Variants in ACYP2 observed in about 807,000 individuals in gnomAD.
The protein encoded by ACYP2 is acylphosphatase-2.
Under a neutral mutation model 11.2 loss-of-function variants are expected in ACYP2, and 12 were observed. That is an observed-to-expected ratio of 1.08 (90% CI 0.69 to 1.74). The LOEUF is 1.74. ACYP2 is among the 40% of genes most tolerant of loss of function. The pLI is 0.00. For synonymous variants in ACYP2, 43 were observed against 32.2 expected (o/e 1.33, Z -1.13); for missense variants, 134 against 101.9 (o/e 1.31, Z -1.35).
chr2:54,093,567 C>T lies in ACYP2; in HGVS notation c.277+36207C>T, dbSNP rs192924258. On this transcript the variant is annotated intron_variant, in intron 4 of 6. Coordinates refer to ENST00000607452, the MANE Select transcript of ACYP2 (RefSeq NM_001320586.2). ...GTGGCCTAGAATTCAGGTGCTGTTT[C>T]TGTGTCTGGGTACAGGTCACTTCCT... Among the ~76,000 whole-genome samples, 433 of 152,350 alleles carry T rather than the reference C, an allele frequency of 2.8e-3. 3 individuals are homozygous for T. The highest frequency in any genetic ancestry group is 9.7e-3 in the African/African-American group (405 of 41,586).
chr2:54,050,195 T>TA (rs1193085866), intron 2 of ACYP2, among the ~76,000 whole-genome samples: 15 of 152,092 alleles, frequency 9.9e-5, no homozygotes, highest in African/African-American at 3.4e-4. Context: ...ATGAACAGTC[T>TA]AAAAAATGAC....
At chr2:54,190,026 G>GT (rs1415705901) in intron 6 of ACYP2, among the ~76,000 whole-genome samples, 3 of 152,012 alleles carry the variant, frequency 2.0e-5, no homozygotes, top group African/African-American at 7.2e-5. Flanking sequence ...GTCCATTTAG[G>GT]TCCCTTTGCC....
chr2:54,064,976 C>G (rs981067388), intron 4 of ACYP2, among the ~76,000 whole-genome samples: 1 of 151,950 alleles, frequency 6.6e-6, no homozygotes, highest in Non-Finnish European at 1.5e-5. Flanking sequence ...CCCAGGTACT[C>G]GGGAGGCTGA....
chr2:54,174,667 C>A (rs1257797155), intron 6 of ACYP2, among the ~76,000 whole-genome samples: 1 of 152,072 alleles, frequency 6.6e-6, no homozygotes, highest in East Asian at 1.9e-4. Context: ...GGGTTTGTTA[C>A]AAATAGCTCT....
intron 6 of ACYP2, among the ~76,000 whole-genome samples, chr2:54,298,090 G>T (rs114509171): frequency 6.6e-6 from 1 of 152,074 alleles, no homozygotes; most frequent in Non-Finnish European, 1.5e-5. Context: ...TTTGGTACTG[G>T]TTTTATATTC....
chr2:54,225,982 G>A (rs1021653765), intron 6 of ACYP2, among the ~76,000 whole-genome samples: 3 of 151,952 alleles, frequency 2.0e-5, no homozygotes, highest in African/African-American at 7.3e-5. Context: ...AATTATCTAC[G>A]GTATTTAATG....
intron 4 of ACYP2, among the ~76,000 whole-genome samples, chr2:54,131,522 C>T (rs1201785160): frequency 1.3e-5 from 2 of 152,140 alleles, no homozygotes. Flanking sequence ...CTAGGCTGTG[C>T]CAATGTCAGG....
intron 6 of ACYP2, among the ~76,000 whole-genome samples, chr2:54,266,954 G>A (rs916462095): frequency 3.9e-5 from 6 of 152,004 alleles, no homozygotes; most frequent in African/African-American, 7.2e-5. Context: ...AGGAAATGGC[G>A]AGGCGAAGAA....
rs375383770 is a variant in ACYP2 at position 54,255,636 on chromosome 2, G to A, written c.405-49052G>A. On this transcript the variant is annotated intron_variant, in intron 6 of 6. Transcript: ENST00000607452. ...CTATTGCTCTGTTTTCTTCCGCCAC[G>A]TCCATTTCTTCGCCTCCTGGCTTCT... The A allele has an allele frequency of 7.3e-5, 117 of 1,613,406 alleles. 1 individual carries two copies. The highest frequency in any genetic ancestry group is 2.1e-4 in the South Asian group (19 of 91,078).
At chr2:54,234,515 C>A (rs891900480) in intron 6 of ACYP2, among the ~76,000 whole-genome samples, 4 of 152,222 alleles carry the variant, frequency 2.6e-5, no homozygotes, top group African/African-American at 7.2e-5. Flanking sequence ...CTTTTGTCTG[C>A]AGCTGATACG....
intron 6 of ACYP2, among the ~76,000 whole-genome samples, chr2:54,283,523 T>A (rs843720): frequency 6.6e-6 from 1 of 152,002 alleles, no homozygotes; most frequent in South Asian, 2.1e-4. Context: ...TTACTCAGAT[T>A]AAGACCCTGA....
intron 6 of ACYP2, among the ~76,000 whole-genome samples, chr2:54,203,021 G>C (rs1329566039): frequency 6.6e-6 from 1 of 151,988 alleles, no homozygotes; most frequent in Non-Finnish European, 1.5e-5. Context: ...TTGGAATTTT[G>C]ATAGGTATTT....
intron 6 of ACYP2, among the ~76,000 whole-genome samples, chr2:54,241,109 G>A (rs1686710654): frequency 6.6e-6 from 1 of 152,148 alleles, no homozygotes; most frequent in South Asian, 2.1e-4. Context: ...CTTGGAGCAA[G>A]GAGTCTCAGA....
At chr2:54,068,792 C>A (rs1676872823) in intron 4 of ACYP2, among the ~76,000 whole-genome samples, 1 of 152,098 alleles carries the variant, frequency 6.6e-6, no homozygotes, top group South Asian at 2.1e-4. Context: ...AAGGAGGCTG[C>A]ATTCTTCTCA....
intron 6 of ACYP2, chr2:54,254,952 C>G: frequency 6.2e-7 from 1 of 1,613,210 alleles, no homozygotes; most frequent in South Asian, 1.1e-5. Flanking sequence ...GCCTGGGGAT[C>G]TCCACTGGCT....
chr2:54,004,662 G>C (rs777128286), intron 2 of ACYP2, among the ~76,000 whole-genome samples: 1 of 151,598 alleles, frequency 6.6e-6, no homozygotes, highest in Non-Finnish European at 1.5e-5. Flanking sequence ...GGCCCGCCTT[G>C]GCCTCCCAAA....
chr2:54,139,042 G>A (rs1681444586), intron 6 of ACYP2, among the ~76,000 whole-genome samples: 1 of 152,240 alleles, frequency 6.6e-6, no homozygotes, highest in Non-Finnish European at 1.5e-5. Flanking sequence ...AAACTAATAT[G>A]TTTGTAGGCA....
chr2:54,190,370 G>C (rs887844852), intron 6 of ACYP2, among the ~76,000 whole-genome samples: 1 of 151,586 alleles, frequency 6.6e-6, no homozygotes, highest in African/African-American at 2.4e-5. Flanking sequence ...TTCATGTCTA[G>C]GAAAACTTGA....
intron 6 of ACYP2, among the ~76,000 whole-genome samples, chr2:54,179,166 A>C (rs1683598880): frequency 6.8e-6 from 1 of 146,048 alleles, no homozygotes; most frequent in South Asian, 2.2e-4. Flanking sequence ...TTGAGAAAAA[A>C]CTCAAAGTGC....
Sources: gnomAD v4.1 joint callset for allele counts (sites outside exome capture counted in the v4.1 genomes callset) on GRCh38, gnomAD v4.1.1 for gene constraint, MANE v1.5 for transcripts, NCBI Gene and HGNC (gene_info 2026-07-23, HGNC 2026-07-21) for gene names.